SPDYE5: variants seen among roughly 807,000 people sequenced by gnomAD.
SPDYE5 encodes the protein speedy protein E5.
In SPDYE5, 15 loss-of-function variants were observed where a neutral mutation model predicts 48.5. That is an observed-to-expected ratio of 0.31 (90% CI 0.21 to 0.48). The LOEUF (loss-of-function observed/expected upper bound fraction) is 0.48, where lower values mean the gene tolerates loss of function less well. Ranked by LOEUF, SPDYE5 falls within the 20% of genes least tolerant of loss-of-function variation. The pLI is 0.99. For synonymous variants in SPDYE5, 116 were observed against 200.7 expected (o/e 0.58, Z 3.57); for missense variants, 331 against 549.1 (o/e 0.60, Z 3.97).
chr7:75,498,432 T>C (rs1178073235), intron 5 of SPDYE5, among the ~76,000 whole-genome samples: 11 of 151,800 alleles, frequency 7.2e-5, no homozygotes, highest in East Asian at 1.9e-4. Flanking sequence ...CCAGCTCCCA[T>C]GGTCTTGAGT....
chr7:75,501,393 G>C lies in SPDYE5; in HGVS notation c.787G>C (p.Glu263Gln). 1 of 1,612,436 alleles carries C rather than the reference G, an allele frequency of 6.2e-7. No individual in the cohort carries two copies. The highest frequency in any genetic ancestry group is 8.5e-7 in the Non-Finnish European group (1 of 1,179,954). The change falls in exon 7 of 9, where the codon GAG becomes CAG. Residue 263 changes from glutamate to glutamine, a missense_variant. This residue lies in a region of SPDYE5 where 70 missense variants were observed against 87.6 expected (regional missense o/e 0.80). Transcript: ENST00000625065. The part of the protein sequence containing the change: ...YLANDMEEDD[E>Q]DSKQNIFHFL... ...GGCCAATGACATGGAGGAGGACGACGAGGACTCCAAACAAAACATCTTCCA... is the reference window on the plus strand; with the variant it reads ...GGCCAATGACATGGAGGAGGACGACCAGGACTCCAAACAAAACATCTTCCA...
chr7:75,500,997 C>T (rs1248416698), intron 6 of SPDYE5, among the ~76,000 whole-genome samples: 6 of 152,276 alleles, frequency 3.9e-5, no homozygotes, highest in South Asian at 2.1e-4. Context: ...CATGAGCCAC[C>T]GCGTCTGGCA....
intron 5 of SPDYE5, among the ~76,000 whole-genome samples, chr7:75,498,309 A>C (rs1554482930): frequency 6.6e-6 from 1 of 151,676 alleles, no homozygotes; most frequent in African/African-American, 2.4e-5. Context: ...TTTTTAGTAG[A>C]AACGGGGTTT....
In SPDYE5 at chr7:75,503,996, T is replaced by G. The variant is rs1554484006; in HGVS notation, c.*1209T>G. 1 of 152,056 alleles carries G rather than the reference T, an allele frequency of 6.6e-6. No individual in the cohort carries two copies. The highest frequency in any genetic ancestry group is 1.9e-4 in the East Asian group (1 of 5,194). The allele number at this position is 152,056 out of a possible 1,614,324, so 9.4% of individuals were successfully genotyped here. A position where few individuals can be genotyped will look rare whatever the true frequency, so the allele number is the denominator to read the frequency against. Reference sequence around the variant, plus strand: ...AATCTTTTACCTTTCAATCTTTGTATCTATTATTACACGTGTTGCTGAAGG... The same window carrying G: ...AATCTTTTACCTTTCAATCTTTGTAGCTATTATTACACGTGTTGCTGAAGG... On this transcript the variant is annotated 3_prime_UTR_variant, in exon 9 of 9. Transcript: ENST00000625065.
At position 75,494,418 on chromosome 7, in the gene SPDYE5, A is replaced by G. The variant is rs782816381; in HGVS notation, c.160+211A>G. On this transcript the variant is annotated intron_variant, in intron 2 of 8. Transcript: ENST00000625065. ...AAAATTAGCCAAGTGGTAGTGGTGC[A>G]CACCTGTAATCCCAGCTACTCAGGA... is the stretch of plus-strand genomic sequence containing the variant. 7.3e-4 allele frequency among the ~76,000 whole-genome samples: 110 copies of G among 150,670 alleles called. No individual in the cohort carries two copies. In the Middle Eastern group the frequency reaches 0.011, roughly 15 times the overall value.
Position 75,501,448 on chromosome 7 carries a change from T to C in SPDYE5, c.842T>C (p.Ile281Thr). ...HFLYGKNRSR[I>T]PLLRKRWFQL... The stretch of plus-strand genomic sequence containing the variant: ...CTGTATGGGAAGAACCGCTCTCGCA[T>C]ACCCTTGCTCCGTAAGCGTTGGTTC... The change falls in exon 7 of 9, where the codon ATA (isoleucine) becomes ACA (threonine). Residue 281 changes from isoleucine to threonine, a missense_variant. Coordinates refer to ENST00000625065, the MANE Select transcript of SPDYE5 (RefSeq NM_001306141.4). The C allele has an allele frequency of 1.9e-6, 3 of 1,610,758 alleles. No homozygotes were observed. The highest frequency in any genetic ancestry group is 1.7e-6 in the Non-Finnish European group (2 of 1,178,912).
chr7:75,498,426 C>T (rs1452424286), intron 5 of SPDYE5, among the ~76,000 whole-genome samples: 4 of 151,732 alleles, frequency 2.6e-5, no homozygotes, highest in South Asian at 4.2e-4. Context: ...GCCCGACCAG[C>T]TCCCATGGTC....
Position 75,493,889 on chromosome 7 carries a change from G to T in SPDYE5, c.-159G>T, listed in dbSNP as rs1373750293. 5.5e-6 allele frequency: 8 copies of T among 1,459,368 alleles called. No homozygotes were observed. The highest frequency in any genetic ancestry group is 7.2e-6 in the Non-Finnish European group (8 of 1,109,894). 90.4% of individuals were successfully genotyped at this position (1,459,368 alleles called of 1,614,324 possible). A position where few individuals can be genotyped will look rare whatever the true frequency, so the allele number is the denominator to read the frequency against. ...GGTTGGCATGAGCGATGACATCAGA[G>T]ATTCCGACCATCCTGATTGGAGGGA... On this transcript the variant is annotated 5_prime_UTR_variant, in exon 2 of 9. Transcript: ENST00000625065.
chr7:75,500,817 T>G (rs1793117576), intron 6 of SPDYE5, among the ~76,000 whole-genome samples: 1 of 152,128 alleles, frequency 6.6e-6, no homozygotes, highest in Non-Finnish European at 1.5e-5. Flanking sequence ...CACACAATTC[T>G]TATGCTTCAG....
chr7:75,494,575 G>A (rs587597269), intron 2 of SPDYE5, among the ~76,000 whole-genome samples: 6 of 151,550 alleles, frequency 4.0e-5, no homozygotes, highest in Admixed American at 6.6e-5. Context: ...AGAACCTGAG[G>A]AGGGTGTGTG....
intron 3 of SPDYE5, among the ~76,000 whole-genome samples, chr7:75,496,034 AG>A (rs1792914703): frequency 6.8e-6 from 1 of 147,836 alleles, no homozygotes; most frequent in African/African-American, 2.5e-5. Context: ...AAAAAAAAAA[AG>A]AAGGAAGGAA....
In SPDYE5 at chr7:75,493,916, C is replaced by T. The variant is rs1409144251; in HGVS notation, c.-132C>T. The T allele has an allele frequency of 5.4e-5, 80 of 1,481,498 alleles. No homozygotes were observed. The highest frequency in any genetic ancestry group is 1.1e-4 in the Admixed American group (5 of 45,156). 91.8% of individuals were successfully genotyped at this position (1,481,498 alleles called of 1,614,324 possible). A position where few individuals can be genotyped will look rare whatever the true frequency, so the allele number is the denominator to read the frequency against. On this transcript the variant is annotated 5_prime_UTR_variant, in exon 2 of 9. Coordinates refer to ENST00000625065, the MANE Select transcript of SPDYE5 (RefSeq NM_001306141.4). Reference sequence around the variant, plus strand: ...TTCCGACCATCCTGATTGGAGGGACCGGACTCCGTGGTGCCTGGAGATCAG... The same window carrying T: ...TTCCGACCATCCTGATTGGAGGGACTGGACTCCGTGGTGCCTGGAGATCAG...
chr7:75,504,142 T>C lies in SPDYE5; in HGVS notation c.*1355T>C, dbSNP rs1223430148. 6.6e-6 allele frequency: 1 copy of C among 152,224 alleles called. No individual in the cohort carries two copies. The highest frequency in any genetic ancestry group is 2.4e-5 in the African/African-American group (1 of 41,466). The allele number at this position is 152,224 out of a possible 1,614,324, so 9.4% of individuals were successfully genotyped here. ...TTTGATATTTCATATATGTTTGAAA[T>C]GTGAGAATTCAGGTGTAATTTTTTA... On this transcript the variant is annotated 3_prime_UTR_variant, in exon 9 of 9. Coordinates refer to ENST00000625065, the MANE Select transcript of SPDYE5 (RefSeq NM_001306141.4).
At position 75,501,709 on chromosome 7, in the gene SPDYE5, G is replaced by A. The variant is rs1347642544; in HGVS notation, c.1103G>A (p.Cys368Tyr). The A allele has an allele frequency of 2.5e-6, 4 of 1,613,082 alleles. No individual in the cohort carries two copies. Among genetic ancestry groups the A allele is most frequent in the Non-Finnish European group, 3.4e-6 (4 of 1,179,986 alleles). Reference sequence around the variant, plus strand: ...CAGAAACGTCGGTTCCAGTTCTTCTGTTCCATGAGCGGCAGGGCTTGGGTT... The same window carrying A: ...CAGAAACGTCGGTTCCAGTTCTTCTATTCCATGAGCGGCAGGGCTTGGGTT... Reference protein sequence around the residue: ...LFQKRRFQFFCSMSGRAWVSP... With the variant: ...LFQKRRFQFFYSMSGRAWVSP... Residue 368 changes from cysteine to tyrosine, a missense_variant, in exon 7 of 9, where the codon TGT (cysteine) becomes TAT (tyrosine). Transcript: ENST00000625065.
rs1478100379 is a variant in SPDYE5 at position 75,504,182 on chromosome 7, G to C, written c.*1395G>C. 500 of 152,186 alleles carry C rather than the reference G, an allele frequency of 3.3e-3. 2 individuals are homozygous for C. The highest frequency in any genetic ancestry group is 0.011 in the African/African-American group (477 of 41,508). 9.4% of individuals were successfully genotyped at this position (152,186 alleles called of 1,614,324 possible). A position where few individuals can be genotyped will look rare whatever the true frequency, so the allele number is the denominator to read the frequency against. ...GTAATTTTTTACCTTGTTTTGGCAT[G>C]TTTGTATGTTACTTTAAAGAGGATG... is the stretch of plus-strand genomic sequence containing the variant. On this transcript the variant is annotated 3_prime_UTR_variant, in exon 9 of 9. Transcript: ENST00000625065.
chr7:75,498,943 C>G (rs879971502), intron 5 of SPDYE5, among the ~76,000 whole-genome samples: 4 of 149,682 alleles, frequency 2.7e-5, no homozygotes, highest in Non-Finnish European at 4.4e-5. Flanking sequence ...GCCTGGCACA[C>G]AAAAGACCCT....
At chr7:75,493,193 A>G (rs1316170853) in intron 1 of SPDYE5, among the ~76,000 whole-genome samples, 5 of 151,750 alleles carry the variant, frequency 3.3e-5, no homozygotes, top group African/African-American at 1.2e-4. Context: ...AGCAATACAT[A>G]TGATACAAAA....
In SPDYE5 at chr7:75,494,223, G is replaced by A; in HGVS notation, c.160+16G>A. 6.5e-7 allele frequency: 1 copy of A among 1,534,434 alleles called. No individual in the cohort carries two copies. The highest frequency in any genetic ancestry group is 8.7e-7 in the Non-Finnish European group (1 of 1,146,336). On this transcript the variant is annotated intron_variant, in intron 2 of 8. Coordinates refer to ENST00000625065, the MANE Select transcript of SPDYE5 (RefSeq NM_001306141.4). ...GGACCATCAGGTGAGGGGACTGGTG[G>A]AAGAAGAGGTGGGATAGGATTGACT...
In SPDYE5 at chr7:75,500,207, A is replaced by G. The variant is rs1385603986; in HGVS notation, c.755+891A>G. 9.2e-5 allele frequency among the ~76,000 whole-genome samples: 13 copies of G among 142,010 alleles called. No homozygotes were observed. In the East Asian group the frequency reaches 2.4e-3, roughly 27 times the overall value. The allele number at this position is 142,010 out of a possible 152,430, so 93.2% of individuals were successfully genotyped here. A position where few individuals can be genotyped will look rare whatever the true frequency, so the allele number is the denominator to read the frequency against. On this transcript the variant is annotated intron_variant, in intron 6 of 8. Coordinates refer to ENST00000625065, the MANE Select transcript of SPDYE5 (RefSeq NM_001306141.4). ...CCAGGGTCCACAGTGTCAATTCTAC[A>G]ATCTCTACAAGCACACTGGCTCGCC...
Sources: gnomAD v4.1 joint callset for allele counts (sites outside exome capture counted in the v4.1 genomes callset) on GRCh38, gnomAD v4.1.1 for gene constraint, gnomAD v4.1.1 regional missense constraint, MANE v1.5 for transcripts, NCBI Gene and HGNC (gene_info 2026-07-23, HGNC 2026-07-21) for gene names.